Variants in NPAS3 observed in about 807,000 individuals in gnomAD.
NPAS3 encodes the protein neuronal PAS domain protein 3.
In NPAS3, 14 loss-of-function variants were observed where a neutral mutation model predicts 73.1. The ratio of observed to expected loss-of-function variants is 0.19; its 90% CI spans 0.13 to 0.30. The LOEUF (loss-of-function observed/expected upper bound fraction) is 0.30. Among genes scored for constraint, NPAS3 ranks in the 10% least tolerant of loss-of-function variants. NPAS3 has a pLI of 1.00. For synonymous variants in NPAS3, 620 were observed against 541.5 expected (o/e 1.14, Z -2.01); for missense variants, 1,096 against 1,250.0 (o/e 0.88, Z 1.86).
chr14:33,240,332 A>G (rs2048173905), intron 3 of NPAS3, among the ~76,000 whole-genome samples: 1 of 151,718 alleles, frequency 6.6e-6, no homozygotes, highest in African/African-American at 2.4e-5. Context: ...TATTAAGCTA[A>G]TTCCTGGCTC....
intron 6 of NPAS3, among the ~76,000 whole-genome samples, chr14:33,722,464 G>A (rs955230491): frequency 6.6e-6 from 1 of 152,230 alleles, no homozygotes; most frequent in Non-Finnish European, 1.5e-5. Flanking sequence ...TCATAACCTT[G>A]AAGAAAATAT....
intron 3 of NPAS3, among the ~76,000 whole-genome samples, chr14:33,251,217 C>G (rs767974403): frequency 5.9e-5 from 9 of 152,140 alleles, no homozygotes; most frequent in Non-Finnish European, 1.0e-4. Context: ...TGATTCTTTT[C>G]CTAGCCGTTT....
At chr14:33,446,426 C>T (rs577591257) in intron 4 of NPAS3, among the ~76,000 whole-genome samples, 7 of 152,166 alleles carry the variant, frequency 4.6e-5, no homozygotes, top group Admixed American at 2.0e-4. Flanking sequence ...CCACCCGCCT[C>T]GGCCTCCCAA....
intron 5 of NPAS3, among the ~76,000 whole-genome samples, chr14:33,568,353 G>A (rs542668821): frequency 1.3e-5 from 2 of 152,292 alleles, no homozygotes; most frequent in South Asian, 4.2e-4. Context: ...TTTCTGGAAA[G>A]CAATATGCAT....
intron 5 of NPAS3, among the ~76,000 whole-genome samples, chr14:33,655,656 A>G (rs1361432818): frequency 6.6e-6 from 1 of 152,164 alleles, no homozygotes; most frequent in African/African-American, 2.4e-5. Flanking sequence ...AGGAAGCCCA[A>G]AGAATCCTTT....
intron 4 of NPAS3, among the ~76,000 whole-genome samples, chr14:33,492,993 A>ATT: frequency 6.6e-6 from 1 of 152,218 alleles, no homozygotes; most frequent in East Asian, 1.9e-4. Flanking sequence ...CAGGATATGC[A>ATT]TTTTGTTTAT....
rs193089544 is a variant in NPAS3 at position 33,679,252 on chromosome 14, A to G, written c.733+2867A>G. ...AGCTACCTTAACCTTCAAAGTCTGC[A>G]GTGTTGGTTATTTTCTATCTGGGGC... On this transcript the variant is annotated intron_variant, in intron 6 of 11. Transcript: ENST00000356141. 5.3e-5 allele frequency among the ~76,000 whole-genome samples: 8 copies of G among 152,300 alleles called. No individual in the cohort carries two copies. In the East Asian group the frequency reaches 1.5e-3, roughly 29 times the overall value.
intron 4 of NPAS3, among the ~76,000 whole-genome samples, chr14:33,486,491 G>A (rs1242389699): frequency 1.3e-5 from 2 of 152,152 alleles, no homozygotes; most frequent in Admixed American, 1.3e-4. Flanking sequence ...ACAGGGGAAG[G>A]ACAGTGGCTA....
At chr14:33,383,891 C>T (rs898317575) in intron 4 of NPAS3, among the ~76,000 whole-genome samples, 11 of 151,932 alleles carry the variant, frequency 7.2e-5, no homozygotes, top group African/African-American at 2.2e-4. Flanking sequence ...TATAATCTGC[C>T]GCTATATTTG....
At chr14:33,557,097 T>C (rs1382190272) in intron 4 of NPAS3, among the ~76,000 whole-genome samples, 1 of 152,144 alleles carries the variant, frequency 6.6e-6, no homozygotes. Context: ...GAGGTAAAGA[T>C]ATGTTGAAAT....
At chr14:32,994,626 G>GTTT (rs1382696309) in intron 1 of NPAS3, among the ~76,000 whole-genome samples, 1 of 121,498 alleles carries the variant, frequency 8.2e-6, no homozygotes, top group African/African-American at 3.6e-5. Flanking sequence ...TTGTTTGTTT[G>GTTT]TTTGTTTTTG....
intron 3 of NPAS3, among the ~76,000 whole-genome samples, chr14:33,364,038 G>A (rs374074202): frequency 1.3e-5 from 2 of 152,034 alleles, no homozygotes; most frequent in East Asian, 3.9e-4. Flanking sequence ...AATGAAATAT[G>A]TCAGTAGATC....
chr14:33,488,812 T>G (rs1376743062), intron 4 of NPAS3, among the ~76,000 whole-genome samples: 3 of 152,184 alleles, frequency 2.0e-5, no homozygotes, highest in African/African-American at 7.2e-5. Flanking sequence ...AGTTTTAGTT[T>G]ACATTCTCAC....
intron 3 of NPAS3, among the ~76,000 whole-genome samples, chr14:33,321,059 G>T (rs191606973): frequency 1.2e-4 from 18 of 152,218 alleles, no homozygotes; most frequent in East Asian, 7.7e-4. Context: ...TAACCTTCAT[G>T]TATTTATTTT....
At chr14:32,961,381 A>C (rs1013690256) in intron 1 of NPAS3, among the ~76,000 whole-genome samples, 30 of 150,816 alleles carry the variant, frequency 2.0e-4, no homozygotes, top group Admixed American at 1.3e-3. Context: ...ACAGCACTCC[A>C]GCCTGGTGAC....
At chr14:33,434,214 A>T (rs778786998) in intron 4 of NPAS3, among the ~76,000 whole-genome samples, 15 of 151,310 alleles carry the variant, frequency 9.9e-5, no homozygotes, top group Non-Finnish European at 1.8e-4. Flanking sequence ...ATAAATAAAC[A>T]AACAAACACA....
chr14:33,595,575 AATG>A (rs2057211724), intron 5 of NPAS3, among the ~76,000 whole-genome samples: 1 of 152,222 alleles, frequency 6.6e-6, no homozygotes, highest in Non-Finnish European at 1.5e-5. Flanking sequence ...ATGATTTGAT[AATG>A]ATTAGAAAGA....
chr14:33,357,318 C>A (rs553416052), intron 3 of NPAS3, among the ~76,000 whole-genome samples: 1 of 152,286 alleles, frequency 6.6e-6, no homozygotes, highest in East Asian at 1.9e-4. Flanking sequence ...ATGAGTGAAT[C>A]CTTCAAAAGA....
chr14:33,424,223 T>G (rs1400943533), intron 4 of NPAS3, among the ~76,000 whole-genome samples: 1 of 151,972 alleles, frequency 6.6e-6, no homozygotes, highest in African/African-American at 2.4e-5. Flanking sequence ...CCAAGAAGGC[T>G]AGAGCATATT....
Sources: allele counts gnomAD v4.1 joint callset (sites outside exome capture counted in the v4.1 genomes callset), GRCh38; gene constraint gnomAD v4.1.1; transcripts MANE v1.5; gene names NCBI Gene and HGNC (gene_info 2026-07-23, HGNC 2026-07-21).